The following MYO18B variants were observed in gnomAD, a reference collection of about 807,000 sequenced individuals.
The protein encoded by MYO18B is myosin XVIIIB, also known as unconventional myosin-XVIIIb.
Under a neutral mutation model 273.0 loss-of-function variants are expected in MYO18B, and 204 were observed. The observed-to-expected ratio is 0.75, with a 90% CI of 0.67 to 0.84. The LOEUF is 0.84. MYO18B is among the 40% of genes least tolerant of loss of function. The probability of loss-of-function intolerance (pLI) is 0.00; values close to 1 mark genes in which losing one functional copy is unlikely to be tolerated. For missense variants in MYO18B, 3,212 were observed against 3,287.6 expected, an observed-to-expected ratio of 0.98 and a Z score of 0.56; for synonymous variants, 1,330 against 1,305.7, an observed-to-expected ratio of 1.02 and a Z score of -0.40.
chr22:25,989,380 AAGAC>A (rs746753285), intron 39 of MYO18B, among the ~76,000 whole-genome samples: 64 of 152,274 alleles, frequency 4.2e-4, no homozygotes, highest in Middle Eastern at 6.8e-3. Flanking sequence ...GATAGAATCT[AAGAC>A]AGAAATACAG....
rs572463396 is a variant in MYO18B at position 25,994,835 on chromosome 22, A to G, written c.6287+2342A>G. The stretch of plus-strand genomic sequence containing the variant: ...ACAATAGAGCTTTTGCATGAATTAC[A>G]CCAGGAATGAATGGCTGTAGTTACA... On this transcript the variant is annotated intron_variant, in intron 40 of 43. Coordinates refer to ENST00000335473, the MANE Select transcript of MYO18B (RefSeq NM_032608.7). Among the ~76,000 whole-genome samples, 4 of 152,380 alleles carry G rather than the reference A, an allele frequency of 2.6e-5. No homozygotes were observed. In the East Asian group the frequency reaches 7.7e-4, roughly 29 times the overall value.
intron 12 of MYO18B, among the ~76,000 whole-genome samples, chr22:25,808,093 GC>G (rs1569048558): frequency 6.6e-6 from 1 of 152,094 alleles, no homozygotes; most frequent in African/African-American, 2.4e-5. Flanking sequence ...TATTACCAGT[GC>G]CCCCGACCAT....
At chr22:25,930,421 C>T (rs1056313250) in intron 34 of MYO18B, among the ~76,000 whole-genome samples, 1 of 151,778 alleles carries the variant, frequency 6.6e-6, no homozygotes, top group Admixed American at 6.6e-5. Flanking sequence ...AGGAATCCGA[C>T]TCAGGTACCT....
intron 21 of MYO18B, among the ~76,000 whole-genome samples, chr22:25,860,919 T>TAAAAAAAACA (rs2146102059): frequency 6.6e-6 from 1 of 152,086 alleles, no homozygotes; most frequent in African/African-American, 2.4e-5. Context: ...GGCAGGCTCT[T>TAAAAAAAACA]GCTCTGTTGC....
At chr22:26,053,008 T>C in the MYO18B span, among the ~76,000 whole-genome samples, 27,305 of 151,686 alleles carry the variant, frequency 0.18, 2,899 homozygotes, top group African/African-American at 0.29. Context: ...GGGGTTTCAC[T>C]GTGTTAGCCG....
intron 39 of MYO18B, among the ~76,000 whole-genome samples, chr22:25,985,935 A>G (rs2093197868): frequency 6.6e-6 from 1 of 152,158 alleles, no homozygotes. Context: ...CCCAGCCTAC[A>G]GGGCTTTTAT....
At chr22:25,786,674 C>T (rs1454330031) in intron 11 of MYO18B, among the ~76,000 whole-genome samples, 1 of 152,084 alleles carries the variant, frequency 6.6e-6, no homozygotes, top group Non-Finnish European at 1.5e-5. Flanking sequence ...CATAAGAGAA[C>T]AAATTAACTT....
intron 42 of MYO18B, among the ~76,000 whole-genome samples, chr22:26,017,096 C>T (rs55911721): frequency 7.5e-6 from 1 of 132,982 alleles, no homozygotes; most frequent in African/African-American, 3.0e-5. Context: ...TCCCTCCCTC[C>T]CTCACTCACT....
intron 1 of MYO18B, among the ~76,000 whole-genome samples, chr22:25,743,536 GAGA>G (rs1486470077): frequency 2.0e-5 from 3 of 151,728 alleles, no homozygotes; most frequent in Admixed American, 6.6e-5. Flanking sequence ...GGAGGAGAAA[GAGA>G]AGAAGGAGGA....
At chr22:25,970,616 A>G (rs758055066) in intron 39 of MYO18B, among the ~76,000 whole-genome samples, 3 of 152,064 alleles carry the variant, frequency 2.0e-5, no homozygotes, top group African/African-American at 7.2e-5. Context: ...CCCCCTCTCA[A>G]AGTTTTCAAA....
At chr22:25,980,084 A>G (rs1238046346) in intron 39 of MYO18B, among the ~76,000 whole-genome samples, 1 of 152,104 alleles carries the variant, frequency 6.6e-6, no homozygotes, top group African/African-American at 2.4e-5. Context: ...GGAAACTCCC[A>G]GGTTGTAGTT....
the MYO18B span, among the ~76,000 whole-genome samples, chr22:26,059,949 G>A: frequency 1.3e-5 from 2 of 152,222 alleles, no homozygotes; most frequent in Non-Finnish European, 2.9e-5. Flanking sequence ...GTCGATTATT[G>A]TGACAGCTGA....
chr22:25,855,787 T>C (rs1406273389), intron 21 of MYO18B, among the ~76,000 whole-genome samples: 1 of 152,184 alleles, frequency 6.6e-6, no homozygotes, highest in African/African-American at 2.4e-5. Context: ...GTTGCTGGGT[T>C]GAATGTACAA....
chr22:25,856,780 A>T (rs1010992732), intron 21 of MYO18B, among the ~76,000 whole-genome samples: 21 of 152,324 alleles, frequency 1.4e-4, no homozygotes, highest in African/African-American at 4.8e-4. Context: ...TGACAGAAGC[A>T]AATTCTGGGT....
intron 7 of MYO18B, among the ~76,000 whole-genome samples, chr22:25,773,556 C>T (rs180908986): frequency 2.9e-3 from 441 of 152,228 alleles, no homozygotes; most frequent in African/African-American, 9.2e-3. Context: ...CGCCGCCTCC[C>T]GGGTTCACGC....
At chr22:25,769,941 G>A (rs1408789600) in intron 4 of MYO18B, 169 bp from the exon 5 acceptor site, 6 of 669,530 alleles carry the variant, frequency 9.0e-6, no homozygotes, top group Non-Finnish European at 1.6e-5. Context: ...CCACCTCCCG[G>A]GTCCGCAACG....
At chr22:25,990,711 A>T in intron 39 of MYO18B, among the ~76,000 whole-genome samples, 1 of 42,064 alleles carries the variant, frequency 2.4e-5, no homozygotes, top group Non-Finnish European at 5.4e-5. Flanking sequence ...AAAAAAAAAA[A>T]AAAAAAAAAG....
downstream of MYO18B, among the ~76,000 whole-genome samples, chr22:26,031,604 C>T (rs1482656306): frequency 6.6e-6 from 1 of 152,162 alleles, no homozygotes; most frequent in Non-Finnish European, 1.5e-5. Flanking sequence ...CGGGTTAGAA[C>T]TTCAACATTT....
intron 34 of MYO18B, among the ~76,000 whole-genome samples, chr22:25,922,976 G>A (rs943391149): frequency 3.9e-5 from 6 of 152,076 alleles, no homozygotes; most frequent in Non-Finnish European, 7.4e-5. Flanking sequence ...GATCCAACCC[G>A]GGACCACACT....
Sources: allele counts gnomAD v4.1 joint callset (sites outside exome capture counted in the v4.1 genomes callset), GRCh38; gene constraint gnomAD v4.1.1; transcripts MANE v1.5; gene names NCBI Gene and HGNC (gene_info 2026-07-23, HGNC 2026-07-21).